The following EFNA2 variants were observed in gnomAD, a reference collection of about 807,000 sequenced individuals.
EFNA2 encodes ephrin A2, also known as ephrin-A2.
EFNA2 carries 18 observed loss-of-function variants against 19.7 expected under a neutral mutation model. That is an observed-to-expected ratio of 0.91 (90% CI 0.63 to 1.35). The LOEUF (loss-of-function observed/expected upper bound fraction) is 1.35, where lower values mean the gene tolerates loss of function less well. EFNA2 is among the 40% of genes most tolerant of loss of function. EFNA2 has a pLI of 0.00. For missense variants in EFNA2, 303 were observed against 296.0 expected, an observed-to-expected ratio of 1.02 and a Z score of -0.17; for synonymous variants, 187 against 137.8, an observed-to-expected ratio of 1.36 and a Z score of -2.50.
rs925872201 is a variant in EFNA2, at chr19:1,297,737, G to A, written c.455-814G>A. ...CTTCTGGGGGCCCGAAAGCAGGGGC[G>A]GTGATGCTGGAATTTTGGGCGTAAG... On this transcript the variant is annotated intron_variant, in intron 2 of 3. Coordinates refer to ENST00000215368, the MANE Select transcript of EFNA2 (RefSeq NM_001405.4). This position sits in a 1 kb window ranked among gnomAD's most constrained non-coding sequence, Gnocchi z 5.0. Among the ~76,000 whole-genome samples the A allele has an allele frequency of 2.6e-5, 4 of 152,242 alleles. No individual in the cohort carries two copies. The highest frequency in any genetic ancestry group is 5.9e-5 in the Non-Finnish European group (4 of 68,014).
chr19:1,287,431 C>T lies in EFNA2; in HGVS notation c.140+1123C>T, dbSNP rs1284814021. Among the ~76,000 whole-genome samples, 1 of 152,190 alleles carries T rather than the reference C, an allele frequency of 6.6e-6. No homozygotes were observed. Among genetic ancestry groups the T allele is most frequent in the Non-Finnish European group, 1.5e-5 (1 of 68,024 alleles). ...TCACTTTCTCTCCGTTTTCCAGCCG[C>T]TTCCTGTGCCGACCGAGCCGCCCTC... is the stretch of plus-strand genomic sequence containing the variant. On this transcript the variant is annotated intron_variant, in intron 1 of 3. Coordinates refer to ENST00000215368, the MANE Select transcript of EFNA2 (RefSeq NM_001405.4). This position sits in a 1 kb window ranked among gnomAD's most constrained non-coding sequence, Gnocchi z 6.2.
At chr19:1,290,266 A>G (rs1193394030) in intron 1 of EFNA2, among the ~76,000 whole-genome samples, 1 of 152,082 alleles carries the variant, frequency 6.6e-6, no homozygotes, top group Non-Finnish European at 1.5e-5. Flanking sequence ...CCGAGGCACC[A>G]TGGTCTCTGT....
chr19:1,300,003 T>G lies in EFNA2; in HGVS notation c.*58T>G. The stretch of plus-strand genomic sequence containing the variant: ...ACGGCCCCGCCTGGACCGCCTGACC[T>G]CGGCCCTCCGGACCCGGCTGCGGCC... On this transcript the variant is annotated 3_prime_UTR_variant, in exon 4 of 4. Transcript: ENST00000215368. 6.5e-7 allele frequency: 1 copy of G among 1,537,922 alleles called. No homozygotes were observed.
chr19:1,286,488 C>T lies in EFNA2; in HGVS notation c.140+180C>T, dbSNP rs1398824576. 1.3e-5 allele frequency among the ~76,000 whole-genome samples: 2 copies of T among 151,346 alleles called. No homozygotes were observed. Among genetic ancestry groups the T allele is most frequent in the African/African-American group, 2.4e-5 (1 of 41,360 alleles). ...CCGGCCCCCCGGAGTTTGGGGGACT[C>T]GCCCTTTTCGCGCCTGCCTTCCCCG... On this transcript the variant is annotated intron_variant, in intron 1 of 3. Transcript: ENST00000215368. The surrounding 1 kb of genome is among the most constrained non-coding windows in gnomAD (Gnocchi z 5.6).
chr19:1,293,092 C>T (rs577794545), intron 1 of EFNA2, among the ~76,000 whole-genome samples: 4 of 152,220 alleles, frequency 2.6e-5, no homozygotes, highest in South Asian at 2.1e-4. Context: ...GGATCACTGC[C>T]GGGACAGGAG....
intron 1 of EFNA2, among the ~76,000 whole-genome samples, chr19:1,290,158 G>A (rs1190627649): frequency 1.3e-5 from 2 of 152,244 alleles, no homozygotes; most frequent in South Asian, 2.1e-4. Context: ...ATAGGGCCTG[G>A]TGTGGATGGG....
At position 1,296,676 on chromosome 19, in the gene EFNA2, C is replaced by T. The variant is rs2081517186; in HGVS notation, c.454+818C>T. ...AAAGAAGAAAAAAACCCCACAGGGCCCCTGCCGCACCAGCCGCACCCAGAC... is the reference window on the plus strand; with the variant it reads ...AAAGAAGAAAAAAACCCCACAGGGCTCCTGCCGCACCAGCCGCACCCAGAC... On this transcript the variant is annotated intron_variant, in intron 2 of 3. Transcript: ENST00000215368. The surrounding 1 kb of genome is among the most constrained non-coding windows in gnomAD (Gnocchi z 4.4). 6.6e-6 allele frequency among the ~76,000 whole-genome samples: 1 copy of T among 152,162 alleles called. No individual in the cohort carries two copies. The highest frequency in any genetic ancestry group is 1.5e-5 in the Non-Finnish European group (1 of 68,036).
intron 1 of EFNA2, among the ~76,000 whole-genome samples, chr19:1,288,259 C>CT (rs1484559241): frequency 6.6e-6 from 1 of 152,258 alleles, no homozygotes; most frequent in Non-Finnish European, 1.5e-5. Context: ...TCAGGGGTCT[C>CT]TGCAGTTCTC....
Position 1,286,137 on chromosome 19 carries a change from G to C in EFNA2, c.-32G>C. ...CGGAGAAGGCTGGCAGGCGGCGGCC[G>C]GGAGAGCGAGCGCGGCGGCCGGACC... On this transcript the variant is annotated 5_prime_UTR_variant, in exon 1 of 4. Transcript: ENST00000215368. This position sits in a 1 kb window ranked among gnomAD's most constrained non-coding sequence, Gnocchi z 5.6. 1 of 845,626 alleles carries C rather than the reference G, an allele frequency of 1.2e-6. No individual in the cohort carries two copies. The highest frequency in any genetic ancestry group is 1.4e-6 in the Non-Finnish European group (1 of 703,722). 52.4% of individuals were successfully genotyped at this position (845,626 alleles called of 1,614,324 possible).
At chr19:1,298,072 C>CAAAAAAAA (rs58897953) in intron 2 of EFNA2, among the ~76,000 whole-genome samples, 4 of 49,876 alleles carry the variant, frequency 8.0e-5, no homozygotes, top group Admixed American at 2.8e-4. Flanking sequence ...AGCTCCATCA[C>CAAAAAAAA]AAAAAAAAAA....
chr19:1,286,493 T>G lies in EFNA2; in HGVS notation c.140+185T>G, dbSNP rs1004929691. On this transcript the variant is annotated intron_variant, in intron 1 of 3. Transcript: ENST00000215368. The surrounding 1 kb of genome is among the most constrained non-coding windows in gnomAD (Gnocchi z 5.6). ...CCCCCGGAGTTTGGGGGACTCGCCC[T>G]TTTCGCGCCTGCCTTCCCCGGGGCG... 4.0e-4 allele frequency among the ~76,000 whole-genome samples: 60 copies of G among 148,180 alleles called. No homozygotes were observed. Among genetic ancestry groups the G allele is most frequent in the African/African-American group, 1.5e-3 (60 of 41,286 alleles).
rs1410617760 is a variant in EFNA2, at chr19:1,295,458, C to A, written c.141-87C>A. Reference sequence around the variant, plus strand: ...CCCGACCCGTCCCTCGTGCTCCTGTCCCCTGACCCTGGCCCTCCCCGCGCA... The same window carrying A: ...CCCGACCCGTCCCTCGTGCTCCTGTACCCTGACCCTGGCCCTCCCCGCGCA... On this transcript the variant is annotated intron_variant, in intron 1 of 3. Coordinates refer to ENST00000215368, the MANE Select transcript of EFNA2 (RefSeq NM_001405.4). The surrounding 1 kb of genome is among the most constrained non-coding windows in gnomAD (Gnocchi z 5.8). The A allele has an allele frequency of 3.0e-6, 4 of 1,353,600 alleles. No homozygotes were observed. The highest frequency in any genetic ancestry group is 3.9e-6 in the Non-Finnish European group (4 of 1,029,338). The allele number at this position is 1,353,600 out of a possible 1,614,324, so 83.8% of individuals were successfully genotyped here. A position where few individuals can be genotyped will look rare whatever the true frequency, so the allele number is the denominator to read the frequency against.
In EFNA2 at chr19:1,300,598, C is replaced by T. The variant is rs959821637; in HGVS notation, c.*653C>T. ...CACAGCTGCAGCCCACCGCGGACCC[C>T]CCTGGTGCTCCAGGTTGGGTGAGTC... On this transcript the variant is annotated 3_prime_UTR_variant, in exon 4 of 4. Coordinates refer to ENST00000215368, the MANE Select transcript of EFNA2 (RefSeq NM_001405.4). Among the ~76,000 whole-genome samples, 6 of 152,140 alleles carry T rather than the reference C, an allele frequency of 3.9e-5. No homozygotes were observed. Among genetic ancestry groups the T allele is most frequent in the African/African-American group, 1.4e-4 (6 of 41,426 alleles).
rs532855378 is a variant in EFNA2, at chr19:1,295,105, C to T, written c.141-440C>T. Among the ~76,000 whole-genome samples, 16 of 152,234 alleles carry T rather than the reference C, an allele frequency of 1.1e-4. No individual in the cohort carries two copies. The South Asian group carries it at 2.1e-3, about 20-fold the overall frequency. On this transcript the variant is annotated intron_variant, in intron 1 of 3. Coordinates refer to ENST00000215368, the MANE Select transcript of EFNA2 (RefSeq NM_001405.4). This position sits in a 1 kb window ranked among gnomAD's most constrained non-coding sequence, Gnocchi z 5.8. ...GCAGGAGGTGGGGGGCAGTGCCAGG[C>T]AAGAGATCGTGGGCTCCCAACCTTG...
Position 1,287,589 on chromosome 19 carries a change from G to A in EFNA2, c.140+1281G>A, listed in dbSNP as rs1416659924. On this transcript the variant is annotated intron_variant, in intron 1 of 3. Transcript: ENST00000215368. The surrounding 1 kb of genome is among the most constrained non-coding windows in gnomAD (Gnocchi z 6.2). ...GCCCGTGTTCCGCCGTGGGGGTGGG[G>A]AACACGCACAGGCCCACCCCCCACC... Among the ~76,000 whole-genome samples, 1 of 152,114 alleles carries A rather than the reference G, an allele frequency of 6.6e-6. No individual in the cohort carries two copies. Among genetic ancestry groups the A allele is most frequent in the African/African-American group, 2.4e-5 (1 of 41,422 alleles).
rs998102969 is a variant in EFNA2 at position 1,294,926 on chromosome 19, T to A, written c.141-619T>A. On this transcript the variant is annotated intron_variant, in intron 1 of 3. Transcript: ENST00000215368. This position sits in a 1 kb window ranked among gnomAD's most constrained non-coding sequence, Gnocchi z 5.8. ...TAAGCATGTTAGGTAGATGCGAAGT[T>A]TCTGGAGAGGGAATTCTTGTGGAGG... Among the ~76,000 whole-genome samples, 1 of 152,040 alleles carries A rather than the reference T, an allele frequency of 6.6e-6. No individual in the cohort carries two copies. Among genetic ancestry groups the A allele is most frequent in the Non-Finnish European group, 1.5e-5 (1 of 67,984 alleles).
rs1057270 is a variant in EFNA2 at position 1,299,888 on chromosome 19, C to T, written c.585C>T (p.Gly195=). The T allele has an allele frequency of 1.7e-5, 28 of 1,603,748 alleles. No individual in the cohort carries two copies. Among genetic ancestry groups the T allele is most frequent in the Non-Finnish European group, 2.2e-5 (26 of 1,178,010 alleles). Residue 195 remains glycine (G), a synonymous_variant, in exon 4 of 4, where the codon GGC becomes GGT. Transcript: ENST00000215368. The stretch of plus-strand genomic sequence containing the variant: ...GCAATAACTCGTGTAGCAGCCCGGG[C>T]GGCTGCCGCCTCTTCCTCAGCACCA... ...FTSNNSCSSP[G]GCRLFLSTIP...
chr19:1,290,369 T>C (rs2081485716), intron 1 of EFNA2, among the ~76,000 whole-genome samples: 1 of 152,188 alleles, frequency 6.6e-6, no homozygotes, highest in Non-Finnish European at 1.5e-5. Flanking sequence ...ACTGCAGGCC[T>C]CCCTGGGCGG....
chr19:1,287,389 C>A lies in EFNA2; in HGVS notation c.140+1081C>A, dbSNP rs11882406. Among the ~76,000 whole-genome samples, 1 of 152,056 alleles carries A rather than the reference C, an allele frequency of 6.6e-6. No individual in the cohort carries two copies. Among genetic ancestry groups the A allele is most frequent in the East Asian group, 1.9e-4 (1 of 5,186 alleles). On this transcript the variant is annotated intron_variant, in intron 1 of 3. Transcript: ENST00000215368. The surrounding 1 kb of genome is among the most constrained non-coding windows in gnomAD (Gnocchi z 6.2). ...ATCGGGGGCTGAGGCGGCCCCCCCC[C>A]ACTCTTCTGCTACTGGTCACTTTCT...
Sources: gnomAD v4.1 joint callset for allele counts (sites outside exome capture counted in the v4.1 genomes callset) on GRCh38, gnomAD v4.1.1 for gene constraint, Gnocchi (gnomAD v3.1) non-coding constraint, MANE v1.5 for transcripts, NCBI Gene and HGNC (gene_info 2026-07-23, HGNC 2026-07-21) for gene names.